The following SPAM1 variants were observed in gnomAD, a reference collection of about 807,000 sequenced individuals.
SPAM1 encodes the protein hyaluronidase PH-20.
A neutral mutation model predicts 29.6 loss-of-function variants in SPAM1; 22 were observed. That is an observed-to-expected ratio of 0.74 (90% confidence interval 0.53 to 1.06). SPAM1 has a LOEUF of 1.06. Among genes scored for constraint, SPAM1 ranks in the 50% least tolerant of loss-of-function variants. SPAM1 has a pLI of 0.00. For synonymous variants in SPAM1, 194 were observed against 204.6 expected, an observed-to-expected ratio of 0.95 and a Z score of 0.44; for missense variants, 534 against 604.0, an observed-to-expected ratio of 0.88 and a Z score of 1.21.
chr7:123,931,755 C>G (rs1451937656), intron 1 of SPAM1, among the ~76,000 whole-genome samples: 4 of 152,080 alleles, frequency 2.6e-5, no homozygotes, highest in Admixed American at 2.6e-4. Flanking sequence ...TTATGGTAGC[C>G]ACTTGATGCA....
chr7:123,967,865 G>A (rs1367470303), intron 5 of SPAM1, among the ~76,000 whole-genome samples: 2 of 152,042 alleles, frequency 1.3e-5, no homozygotes, highest in African/African-American at 4.8e-5. Context: ...GGGTCTTTGA[G>A]TCTGGAGGCA....
At chr7:123,937,489 T>C (rs566848699) in intron 1 of SPAM1, among the ~76,000 whole-genome samples, 90 of 150,366 alleles carry the variant, frequency 6.0e-4, no homozygotes, top group Middle Eastern at 3.4e-3. Context: ...TAGTCCCAGC[T>C]ACTCGGGAGG....
downstream of SPAM1, among the ~76,000 whole-genome samples, chr7:123,965,028 C>A (rs1792405172): frequency 6.6e-6 from 1 of 151,964 alleles, no homozygotes; most frequent in African/African-American, 2.4e-5. Context: ...TATTATACAA[C>A]AATCATATGC....
chr7:123,938,082 A>G (rs1808310680), intron 1 of SPAM1, among the ~76,000 whole-genome samples: 1 of 150,940 alleles, frequency 6.6e-6, no homozygotes, highest in Non-Finnish European at 1.5e-5. Flanking sequence ...CTGTCACAAA[A>G]TGTGCTTTTT....
At chr7:123,928,281 C>T (rs772109276) in intron 1 of SPAM1, among the ~76,000 whole-genome samples, 1 of 152,096 alleles carries the variant, frequency 6.6e-6, no homozygotes, top group Non-Finnish European at 1.5e-5. Context: ...ATGTGAGGCC[C>T]AGATACTAAT....
intron 1 of SPAM1, among the ~76,000 whole-genome samples, chr7:123,943,997 A>G (rs1808503009): frequency 6.6e-6 from 1 of 152,182 alleles, no homozygotes. Flanking sequence ...TTTATTAAGA[A>G]GTGGGTTAAT....
chr7:123,930,581 G>A (rs1808042218), intron 1 of SPAM1, among the ~76,000 whole-genome samples: 1 of 152,214 alleles, frequency 6.6e-6, no homozygotes, highest in Non-Finnish European at 1.5e-5. Context: ...TCATACACAA[G>A]TGAGATGCAC....
chr7:123,951,606 C>G (rs1174534102), intron 2 of SPAM1, among the ~76,000 whole-genome samples: 3 of 151,792 alleles, frequency 2.0e-5, no homozygotes, highest in Admixed American at 2.0e-4. Flanking sequence ...TCATTCTGCC[C>G]CATGTTTTTC....
intron 4 of SPAM1, among the ~76,000 whole-genome samples, chr7:123,957,623 T>A (rs1291952795): frequency 1.3e-5 from 2 of 152,036 alleles, no homozygotes; most frequent in African/African-American, 2.4e-5. Context: ...AAATTTGTTA[T>A]CTTGTAGTTC....
At chr7:123,940,184 TA>T (rs560723521) in intron 1 of SPAM1, among the ~76,000 whole-genome samples, 1 of 152,292 alleles carries the variant, frequency 6.6e-6, no homozygotes, top group South Asian at 2.1e-4. Flanking sequence ...CCATTGGTCA[TA>T]ATTTTGAGTT....
rs921796089 is a variant in SPAM1 at position 123,959,978 on chromosome 7, G to T, written c.*9G>T. ...CTGTAGCGAGTTTGTAATTGCGCAG[G>T]TTAGCTGAAATGAACAATATGTCCA... is the stretch of plus-strand genomic sequence containing the variant. On this transcript the variant is annotated 3_prime_UTR_variant, in exon 5 of 5. Transcript: ENST00000682466. 6.3e-7 allele frequency: 1 copy of T among 1,593,434 alleles called. No homozygotes were observed. Among genetic ancestry groups the T allele is most frequent in the Non-Finnish European group, 8.5e-7 (1 of 1,172,402 alleles).
intron 1 of SPAM1, among the ~76,000 whole-genome samples, chr7:123,943,457 A>G (rs529744775): frequency 7.4e-4 from 112 of 152,316 alleles, no homozygotes; most frequent in African/African-American, 2.7e-3. Context: ...TCACATAATA[A>G]TCATAATTAT....
chr7:123,927,751 C>T (rs892961030), intron 1 of SPAM1, among the ~76,000 whole-genome samples: 1 of 152,054 alleles, frequency 6.6e-6, no homozygotes, highest in Non-Finnish European at 1.5e-5. Flanking sequence ...AAGAGTGAAG[C>T]CTTGAGTAAA....
chr7:123,968,652 T>C (rs1792460333), intron 5 of SPAM1, among the ~76,000 whole-genome samples: 1 of 151,980 alleles, frequency 6.6e-6, no homozygotes, highest in Non-Finnish European at 1.5e-5. Context: ...ATAAGGGCAG[T>C]GTCTTTAACA....
At chr7:123,955,512 A>AT (rs1010170742) in intron 4 of SPAM1, among the ~76,000 whole-genome samples, 5 of 151,776 alleles carry the variant, frequency 3.3e-5, no homozygotes, top group Non-Finnish European at 4.4e-5. Context: ...TTGAAGCTGA[A>AT]TTTTTTCTTC....
At chr7:123,935,872 C>T (rs1053157273) in intron 1 of SPAM1, among the ~76,000 whole-genome samples, 2 of 152,134 alleles carry the variant, frequency 1.3e-5, no homozygotes, top group African/African-American at 4.8e-5. Flanking sequence ...TCTATCCTAA[C>T]CTATTTTATC....
At chr7:123,949,082 G>A (rs1808683979) in intron 1 of SPAM1, among the ~76,000 whole-genome samples, 1 of 147,550 alleles carries the variant, frequency 6.8e-6, no homozygotes, top group African/African-American at 2.5e-5. Flanking sequence ...AAATTTATTT[G>A]AAAAAAAATT....
At chr7:123,944,531 T>G (rs981637044) in intron 1 of SPAM1, among the ~76,000 whole-genome samples, 1 of 152,242 alleles carries the variant, frequency 6.6e-6, no homozygotes, top group Non-Finnish European at 1.5e-5. Context: ...AAAGAACTTC[T>G]GCAATGTGAC....
rs1460766753 is a variant in SPAM1, at chr7:123,957,018, C to G, written c.1044+1932C>G. On this transcript the variant is annotated intron_variant, in intron 4 of 4. Transcript: ENST00000682466. The stretch of plus-strand genomic sequence containing the variant: ...AAGCCATTCTCATCCTTTTACTACT[C>G]TTTGTGTAACCCTTGTCTCTGTGGA... 3.3e-5 allele frequency among the ~76,000 whole-genome samples: 5 copies of G among 152,060 alleles called. No homozygotes were observed. The South Asian group carries it at 1.0e-3, about 32-fold the overall frequency.
Sources: gnomAD v4.1 joint callset for allele counts (sites outside exome capture counted in the v4.1 genomes callset) on GRCh38, gnomAD v4.1.1 for gene constraint, MANE v1.5 for transcripts, NCBI Gene and HGNC (gene_info 2026-07-23, HGNC 2026-07-21) for gene names.